The following MC2R variants were observed in gnomAD, a reference collection of about 807,000 sequenced individuals.
MC2R encodes the protein melanocortin 2 receptor.
A neutral mutation model predicts 9.8 loss-of-function variants in MC2R; 9 were observed. The ratio of observed to expected loss-of-function variants is 0.92; its 90% CI spans 0.55 to 1.60. The LOEUF (loss-of-function observed/expected upper bound fraction) is 1.60, where lower values mean the gene tolerates loss of function less well. Ranked by LOEUF, MC2R falls within the 40% of genes most tolerant of loss-of-function variation. The pLI, the probability that MC2R is intolerant of heterozygous loss-of-function variation, is 0.00. For synonymous variants in MC2R, 185 were observed against 154.7 expected (o/e 1.20, Z -1.45); for missense variants, 370 against 389.0 (o/e 0.95, Z 0.41).
chr18:13,889,890 G>T (rs2045305307), intron 1 of MC2R, among the ~76,000 whole-genome samples: 1 of 152,062 alleles, frequency 6.6e-6, no homozygotes, highest in African/African-American at 2.4e-5. Context: ...CACCCCTGAG[G>T]AGTTGAGGCC....
intron 1 of MC2R, among the ~76,000 whole-genome samples, chr18:13,886,119 C>T (rs10853246): frequency 0.56 from 85,384 of 151,506 alleles, 25,751 homozygotes; most frequent in African/African-American, 0.79. Flanking sequence ...ATGGGTAACA[C>T]GTATGTTATT....
rs559048887 is a variant in MC2R at position 13,888,948 on chromosome 18, T to C, written c.-128-3302A>G. 1.6e-4 allele frequency among the ~76,000 whole-genome samples: 24 copies of C among 152,298 alleles called. 1 individual carries two copies. In the South Asian group the frequency reaches 5.0e-3, roughly 32 times the overall value. The stretch of plus-strand genomic sequence containing the variant: ...CAAAGCCGTCTGCTGTCCTCTCCCA[T>C]TTGCTTTTTTGTGTCTTGATTTCTT... On this transcript the variant is annotated intron_variant, in intron 1 of 1. Transcript: ENST00000327606.
At chr18:13,889,455 T>C (rs1401957523) in intron 1 of MC2R, among the ~76,000 whole-genome samples, 2 of 152,120 alleles carry the variant, frequency 1.3e-5, no homozygotes, top group Non-Finnish European at 2.9e-5. Context: ...GAGCAGACAA[T>C]TGGGGTAGTT....
intron 1 of MC2R, among the ~76,000 whole-genome samples, chr18:13,913,116 CG>C (rs1320448053): frequency 7.9e-5 from 12 of 152,206 alleles, no homozygotes; most frequent in African/African-American, 2.4e-4. Flanking sequence ...TTAGGACGAG[CG>C]AAGGAAAGTC....
chr18:13,891,684 C>T (rs1028712248), intron 1 of MC2R, among the ~76,000 whole-genome samples: 9 of 152,282 alleles, frequency 5.9e-5, no homozygotes, highest in African/African-American at 1.7e-4. Context: ...GTGAGCCCTC[C>T]TTTTGGTGGC....
intron 1 of MC2R, among the ~76,000 whole-genome samples, chr18:13,906,429 G>C (rs146579535): frequency 0.031 from 4,675 of 152,154 alleles, 192 homozygotes; most frequent in East Asian, 0.18. Flanking sequence ...GGGCCTGTTG[G>C]GGGGTGGGAG....
At chr18:13,913,416 G>A (rs1269622104) in intron 1 of MC2R, among the ~76,000 whole-genome samples, 1 of 152,192 alleles carries the variant, frequency 6.6e-6, no homozygotes, top group Non-Finnish European at 1.5e-5. Flanking sequence ...CACCTACTAG[G>A]TTGATTAGTC....
At chr18:13,897,008 C>A (rs2045349507) in intron 1 of MC2R, among the ~76,000 whole-genome samples, 2 of 152,172 alleles carry the variant, frequency 1.3e-5, no homozygotes, top group African/African-American at 4.8e-5. Context: ...TGCAAGGACA[C>A]CAATTCAACA....
intron 1 of MC2R, among the ~76,000 whole-genome samples, chr18:13,886,588 G>C (rs1311613266): frequency 6.6e-6 from 1 of 152,238 alleles, no homozygotes; most frequent in Non-Finnish European, 1.5e-5. Context: ...CCCACAGCCT[G>C]TGGGATAACG....
chr18:13,915,091 C>A (rs1370901949), intron 1 of MC2R, among the ~76,000 whole-genome samples: 1 of 152,126 alleles, frequency 6.6e-6, no homozygotes, highest in East Asian at 1.9e-4. Context: ...CGCTAAAACC[C>A]CCGCACTCTT....
intron 1 of MC2R, among the ~76,000 whole-genome samples, chr18:13,906,593 T>C (rs79033316): frequency 0.11 from 16,710 of 152,184 alleles, 1,015 homozygotes; most frequent in East Asian, 0.19. Context: ...AGAAGTCAAA[T>C]TAGCCTTGTT....
rs2045253411 is a variant in MC2R at position 13,883,760 on chromosome 18, A to AAT, written c.*863_*864dup. On this transcript the variant is annotated 3_prime_UTR_variant, in exon 2 of 2. Coordinates refer to ENST00000327606, the MANE Select transcript of MC2R (RefSeq NM_000529.2). Reference sequence around the variant, plus strand: ...ACATAGTTTGGTTACAGCTTCTTCAAATAGTGACAATTTTCATCTGGCCTT... The same window carrying AAT: ...ACATAGTTTGGTTACAGCTTCTTCAAATATAGTGACAATTTTCATCTGGCCTT... 6.6e-6 allele frequency: 1 copy of AAT among 151,994 alleles called. No homozygotes were observed. The highest frequency in any genetic ancestry group is 2.1e-4 in the South Asian group (1 of 4,826). 9.4% of individuals were successfully genotyped at this position (151,994 alleles called of 1,614,324 possible).
intron 1 of MC2R, among the ~76,000 whole-genome samples, chr18:13,897,204 G>A (rs2045350893): frequency 6.6e-6 from 1 of 152,180 alleles, no homozygotes; most frequent in Non-Finnish European, 1.5e-5. Context: ...TCTGGATGCT[G>A]GGGGAGGGAG....
chr18:13,905,945 A>G (rs1266412707), intron 1 of MC2R, among the ~76,000 whole-genome samples: 3 of 152,136 alleles, frequency 2.0e-5, no homozygotes, highest in Non-Finnish European at 4.4e-5. Context: ...AGTCCCAGCT[A>G]CTCAGAGAGC....
intron 1 of MC2R, among the ~76,000 whole-genome samples, chr18:13,887,481 G>A (rs1194454185): frequency 6.6e-6 from 1 of 152,190 alleles, no homozygotes; most frequent in African/African-American, 2.4e-5. Flanking sequence ...CATCGGTGAT[G>A]GGAGGGGGCC....
At chr18:13,912,390 C>T (rs932003991) in intron 1 of MC2R, among the ~76,000 whole-genome samples, 16 of 152,144 alleles carry the variant, frequency 1.1e-4, no homozygotes, top group East Asian at 1.9e-4. Context: ...GGTCTGTGCT[C>T]GCTTGGTTAT....
intron 1 of MC2R, among the ~76,000 whole-genome samples, chr18:13,894,227 G>A (rs1455832864): frequency 6.6e-6 from 1 of 152,112 alleles, no homozygotes; most frequent in African/African-American, 2.4e-5. Context: ...TTAGTGACAG[G>A]TGACCTTTTG....
intron 1 of MC2R, among the ~76,000 whole-genome samples, chr18:13,897,427 G>A (rs2045352733): frequency 1.3e-5 from 2 of 152,104 alleles, no homozygotes; most frequent in South Asian, 4.1e-4. Flanking sequence ...AACTTGAAAA[G>A]GCAGTCTAGA....
Position 13,905,738 on chromosome 18 carries a change from A to C in MC2R, c.-129+9750T>G, listed in dbSNP as rs148034479. Among the ~76,000 whole-genome samples, 1,236 of 152,272 alleles carry C rather than the reference A, an allele frequency of 8.1e-3. 15 individuals carry two copies. The highest frequency in any genetic ancestry group is 0.028 in the African/African-American group (1,183 of 41,560). ...AAATACCATTTGACCCAGCAATCCC[A>C]TTACTGGGTATATACCCAAAGAAAT... On this transcript the variant is annotated intron_variant, in intron 1 of 1. Coordinates refer to ENST00000327606, the MANE Select transcript of MC2R (RefSeq NM_000529.2).
Sources: gnomAD v4.1 joint callset for allele counts (sites outside exome capture counted in the v4.1 genomes callset) on GRCh38, gnomAD v4.1.1 for gene constraint, MANE v1.5 for transcripts, NCBI Gene and HGNC (gene_info 2026-07-23, HGNC 2026-07-21) for gene names.